FAAH2: variants seen among roughly 807,000 people sequenced by gnomAD.
FAAH2 encodes the protein fatty acid amide hydrolase 2.
A neutral mutation model predicts 36.9 loss-of-function variants in FAAH2; 60 were observed. That is an observed-to-expected ratio of 1.63 (90% confidence interval 1.32 to 2.02). The LOEUF (loss-of-function observed/expected upper bound fraction) is 2.02. FAAH2 is among the 30% of genes most tolerant of loss of function. The probability of loss-of-function intolerance (pLI) is 0.00; values close to 1 mark genes in which losing one functional copy is unlikely to be tolerated. For synonymous variants in FAAH2, 214 were observed against 143.8 expected (o/e 1.49, Z -3.49); for missense variants, 689 against 397.5 (o/e 1.73, Z -6.23).
intron 10 of FAAH2, among the ~76,000 whole-genome samples, chrX:57,468,164 T>C (rs1307443275): frequency 9.1e-6 from 1 of 110,043 alleles, no homozygotes; most frequent in Non-Finnish European, 1.9e-5. Flanking sequence ...GGGCAGAAAA[T>C]CTGAAAATTC....
intron 7 of FAAH2, among the ~76,000 whole-genome samples, chrX:57,383,829 A>C (rs2054928247): frequency 8.9e-6 from 1 of 112,060 alleles, no homozygotes. Flanking sequence ...GCTACTTTGA[A>C]GTTCATATGG....
At chrX:57,402,528 C>T (rs184229823) in intron 7 of FAAH2, among the ~76,000 whole-genome samples, 25 of 111,792 alleles carry the variant, frequency 2.2e-4, no homozygotes, top group African/African-American at 7.8e-4. Flanking sequence ...AGGCCTAAGG[C>T]AGACTTTTGA....
chrX:57,449,761 G>A (rs2056750446), intron 10 of FAAH2, among the ~76,000 whole-genome samples: 2 of 110,694 alleles, frequency 1.8e-5, no homozygotes, highest in Non-Finnish European at 3.8e-5. Context: ...CCACCTCCTA[G>A]GTTCAAGCGA....
At chrX:57,201,056 T>TA in the FAAH2 span, among the ~76,000 whole-genome samples, 1 of 109,280 alleles carries the variant, frequency 9.2e-6, no homozygotes, top group Non-Finnish European at 1.9e-5. Context: ...GGTAAAAGTT[T>TA]TTTTTTTTTT....
intron 10 of FAAH2, among the ~76,000 whole-genome samples, chrX:57,487,831 G>T (rs1311065571): frequency 1.8e-5 from 2 of 111,929 alleles, no homozygotes; most frequent in Non-Finnish European, 3.8e-5. Flanking sequence ...ATAAACAAAT[G>T]TGTAATTATA....
the FAAH2 span, among the ~76,000 whole-genome samples, chrX:57,194,260 A>T: frequency 9.0e-6 from 1 of 111,335 alleles, no homozygotes; most frequent in African/African-American, 3.3e-5. Flanking sequence ...GACAGGTTTA[A>T]TGTATCTAGG....
intron 10 of FAAH2, among the ~76,000 whole-genome samples, chrX:57,464,541 T>C (rs1434125263): frequency 1.2e-5 from 1 of 83,391 alleles, no homozygotes; most frequent in African/African-American, 4.0e-5. Context: ...AAAAAAAAAT[T>C]GACAAATGAG....
chrX:57,406,545 G>T (rs774773631), intron 7 of FAAH2, among the ~76,000 whole-genome samples: 2 of 112,388 alleles, frequency 1.8e-5, no homozygotes, highest in African/African-American at 3.2e-5. Flanking sequence ...GTCCTGGACA[G>T]GAAGGAACAT....
At chrX:57,445,836 G>A (rs186196944) in intron 8 of FAAH2, among the ~76,000 whole-genome samples, 1 of 112,356 alleles carries the variant, frequency 8.9e-6, no homozygotes, top group Non-Finnish European at 1.9e-5. Flanking sequence ...GTTGTACTAG[G>A]TTGGGTGCAT....
In FAAH2 at chrX:57,319,117, A is replaced by C. The variant is rs182367001; in HGVS notation, c.412+8388A>C. Among the ~76,000 whole-genome samples the C allele has an allele frequency of 8.9e-5, 10 of 111,980 alleles. No homozygotes were observed. The East Asian group carries it at 2.8e-3, about 31-fold the overall frequency. On this transcript the variant is annotated intron_variant, in intron 3 of 10. Coordinates refer to ENST00000374900, the MANE Select transcript of FAAH2 (RefSeq NM_174912.4). ...TCCCTTTGAAAACTGGCACAAGACA[A>C]GGATGCCCTCTCTCACCACTCCTAT...
the FAAH2 span, among the ~76,000 whole-genome samples, chrX:57,194,112 T>G: frequency 2.1e-4 from 23 of 111,769 alleles, no homozygotes; most frequent in Admixed American, 9.5e-5. Context: ...TTAGTTCTTC[T>G]TTAAATGTTT....
chrX:57,196,078 T>C, the FAAH2 span, among the ~76,000 whole-genome samples: 1,806 of 112,110 alleles, frequency 0.016, 14 homozygotes, highest in Middle Eastern at 0.037. Context: ...GATTAGGCTA[T>C]GTGGGCTCCT....
In FAAH2 at chrX:57,329,002, G is replaced by C. The variant is rs761294166; in HGVS notation, c.413-2596G>C. On this transcript the variant is annotated intron_variant, in intron 3 of 10. Coordinates refer to ENST00000374900, the MANE Select transcript of FAAH2 (RefSeq NM_174912.4). ...ATCACTGGTCATAATACTTCAATGG[G>C]TAAGTGCCAGCCAAAGAACTTCATA... 1.5e-4 allele frequency among the ~76,000 whole-genome samples: 17 copies of C among 111,737 alleles called. No homozygotes were observed. The South Asian group carries it at 3.8e-3, about 25-fold the overall frequency.
At chrX:57,463,036 A>C (rs1365278209) in intron 10 of FAAH2, among the ~76,000 whole-genome samples, 1 of 112,092 alleles carries the variant, frequency 8.9e-6, no homozygotes, top group Non-Finnish European at 1.9e-5. Flanking sequence ...GAGCCAAATC[A>C]TGATTGAACT....
intron 6 of FAAH2, among the ~76,000 whole-genome samples, chrX:57,379,940 G>A (rs971267118): frequency 4.6e-5 from 5 of 108,852 alleles, no homozygotes; most frequent in African/African-American, 1.7e-4. Flanking sequence ...CTCTGCCCTT[G>A]GCTCTTGTGA....
intron 7 of FAAH2, among the ~76,000 whole-genome samples, chrX:57,410,825 C>A (rs1044344267): frequency 2.7e-5 from 3 of 111,378 alleles, no homozygotes; most frequent in African/African-American, 9.8e-5. Context: ...GTTTGTGTAT[C>A]ATTTTCCTGA....
chrX:57,224,462 G>T, the FAAH2 span, among the ~76,000 whole-genome samples: 3 of 111,082 alleles, frequency 2.7e-5, no homozygotes, highest in East Asian at 8.5e-4. Context: ...TTCTCCCGGG[G>T]CCTGAAAGCT....
the FAAH2 span, among the ~76,000 whole-genome samples, chrX:57,188,628 TTC>T: frequency 9.0e-6 from 1 of 110,791 alleles, no homozygotes; most frequent in Non-Finnish European, 1.9e-5. Context: ...GCTCCTGTAG[TTC>T]TTTTAATTTT....
At chrX:57,419,132 G>C (rs931833899) in intron 7 of FAAH2, among the ~76,000 whole-genome samples, 1 of 109,219 alleles carries the variant, frequency 9.2e-6, no homozygotes, top group African/African-American at 3.3e-5. Context: ...GGACATTTGG[G>C]TTGGTTCCAA....
Sources: allele counts gnomAD v4.1 joint callset (sites outside exome capture counted in the v4.1 genomes callset), GRCh38; gene constraint gnomAD v4.1.1; transcripts MANE v1.5; gene names NCBI Gene and HGNC (gene_info 2026-07-23, HGNC 2026-07-21).